Variants in LRMDA observed in about 807,000 individuals in gnomAD.
LRMDA encodes the protein leucine rich melanocyte differentiation associated.
Under a neutral mutation model 29.8 loss-of-function variants are expected in LRMDA, and 18 were observed. The ratio of observed to expected loss-of-function variants is 0.60; its 90% CI spans 0.42 to 0.90. The LOEUF (loss-of-function observed/expected upper bound fraction) is 0.90. Among genes scored for constraint, LRMDA ranks in the 40% least tolerant of loss-of-function variants. The pLI, the probability that LRMDA is intolerant of heterozygous loss-of-function variation, is 0.00. For missense variants in LRMDA, 273 were observed against 273.9 expected (o/e 1.00, Z 0.02); for synonymous variants, 125 against 109.4 (o/e 1.14, Z -0.89).
intron 3 of LRMDA, among the ~76,000 whole-genome samples, chr10:76,044,137 G>A (rs1848387719): frequency 6.6e-6 from 1 of 152,180 alleles, no homozygotes. Flanking sequence ...CTGGCCTTGA[G>A]GTTTTAAGAC....
At chr10:75,622,576 C>T (rs186768463) in intron 2 of LRMDA, among the ~76,000 whole-genome samples, 4 of 152,282 alleles carry the variant, frequency 2.6e-5, no homozygotes, top group Admixed American at 1.3e-4. Flanking sequence ...CTGCATTGAC[C>T]ACTGAAACTA....
intron 5 of LRMDA, among the ~76,000 whole-genome samples, chr10:76,316,156 T>C (rs2093513): frequency 0.65 from 98,159 of 152,076 alleles, 34,294 homozygotes; most frequent in Non-Finnish European, 0.81. Flanking sequence ...AGAAGAGCTG[T>C]GGCCCTTCAG....
chr10:75,786,709 A>G (rs1843477934), intron 2 of LRMDA, among the ~76,000 whole-genome samples: 1 of 152,202 alleles, frequency 6.6e-6, no homozygotes, highest in South Asian at 2.1e-4. Flanking sequence ...TCAAGGTTTG[A>G]ATATGCATCC....
chr10:75,885,789 A>T (rs1300634714), intron 2 of LRMDA, among the ~76,000 whole-genome samples: 1 of 152,250 alleles, frequency 6.6e-6, no homozygotes, highest in African/African-American at 2.4e-5. Flanking sequence ...TAGACATTGC[A>T]TAAGCATAAC....
rs531140776 is a variant in LRMDA, at chr10:75,543,820, G to A, written c.131+105326G>A. Among the ~76,000 whole-genome samples the A allele has an allele frequency of 2.0e-5, 3 of 152,070 alleles. No homozygotes were observed. In the East Asian group the frequency reaches 5.8e-4, roughly 29 times the overall value. ...CCCCTTACTCCTTTCTTCCTGGAAT[G>A]TAATTTTGTCTATGAAACATGACAG... On this transcript the variant is annotated intron_variant, in intron 2 of 6. Transcript: ENST00000611255.
intron 2 of LRMDA, among the ~76,000 whole-genome samples, chr10:75,778,478 A>G (rs1291114867): frequency 2.0e-5 from 3 of 152,088 alleles, no homozygotes; most frequent in Non-Finnish European, 4.4e-5. Context: ...GTGAACATCC[A>G]TGTTATTGGA....
At chr10:75,975,966 G>A (rs191341776) in intron 2 of LRMDA, among the ~76,000 whole-genome samples, 127 of 152,308 alleles carry the variant, frequency 8.3e-4, no homozygotes, top group African/African-American at 3.0e-3. Context: ...CTTCCAAACT[G>A]CTCTCTTCCT....
intron 5 of LRMDA, among the ~76,000 whole-genome samples, chr10:76,293,062 C>T (rs1421417397): frequency 6.6e-6 from 1 of 152,160 alleles, no homozygotes; most frequent in Non-Finnish European, 1.5e-5. Flanking sequence ...CAAGCTCCAC[C>T]TCCCGCCTCC....
intron 5 of LRMDA, among the ~76,000 whole-genome samples, chr10:76,252,262 C>T (rs752635197): frequency 2.0e-5 from 3 of 152,024 alleles, no homozygotes; most frequent in Non-Finnish European, 4.4e-5. Context: ...TAAAGCTGCC[C>T]TGTAATTCAC....
Position 75,889,500 on chromosome 10 carries a change from TGCAATGGATTATTATTTTTTTTC to T in LRMDA, c.132-146507_132-146485del, listed in dbSNP as rs556445554. Among the ~76,000 whole-genome samples, 15 of 152,326 alleles carry T rather than the reference TGCAATGGATTATTATTTTTTTTC, an allele frequency of 9.8e-5. No individual in the cohort carries two copies. In the South Asian group the frequency reaches 3.1e-3, roughly 32 times the overall value. ...AGGGGTATTGCACTGTCAGTAACAT[TGCAATGGATTATTATTTTTTTTC>T]CAGGATCAAACTTTGGTATTAAATC... On this transcript the variant is annotated intron_variant, in intron 2 of 6. Transcript: ENST00000611255.
At chr10:75,790,150 G>T (rs1843540465) in intron 2 of LRMDA, among the ~76,000 whole-genome samples, 1 of 152,092 alleles carries the variant, frequency 6.6e-6, no homozygotes. Flanking sequence ...TTTTTGGCTG[G>T]ATAATTCTGT....
intron 5 of LRMDA, among the ~76,000 whole-genome samples, chr10:76,103,626 T>C (rs1382010965): frequency 3.3e-5 from 5 of 152,216 alleles, no homozygotes; most frequent in African/African-American, 1.2e-4. Flanking sequence ...AATTCAAGCC[T>C]TTTTCCCAGA....
intron 5 of LRMDA, among the ~76,000 whole-genome samples, chr10:76,251,126 T>G (rs1852471392): frequency 6.7e-6 from 1 of 149,286 alleles, no homozygotes; most frequent in African/African-American, 2.5e-5. Context: ...TCCTAGAAAA[T>G]AACGCATTGC....
At chr10:75,904,476 CA>C (rs998352362) in intron 2 of LRMDA, among the ~76,000 whole-genome samples, 1 of 151,930 alleles carries the variant, frequency 6.6e-6, no homozygotes, top group African/African-American at 2.4e-5. Flanking sequence ...CCAGGGGCTC[CA>C]AAAAAATGAA....
intron 2 of LRMDA, among the ~76,000 whole-genome samples, chr10:75,859,578 A>C (rs960636518): frequency 2.7e-5 from 4 of 149,184 alleles, no homozygotes; most frequent in African/African-American, 9.9e-5. Context: ...GGTTTCTAGG[A>C]CATCTTTATA....
At chr10:76,415,107 C>A (rs1255215667) in intron 6 of LRMDA, among the ~76,000 whole-genome samples, 2 of 152,248 alleles carry the variant, frequency 1.3e-5, no homozygotes, top group Non-Finnish European at 1.5e-5. Context: ...GTGTCTCTGC[C>A]TTTGTGGTAA....
chr10:75,630,341 G>A (rs778853500), intron 2 of LRMDA, among the ~76,000 whole-genome samples: 2 of 152,230 alleles, frequency 1.3e-5, no homozygotes, highest in Non-Finnish European at 2.9e-5. Flanking sequence ...TGAAGGACTA[G>A]CATAGTTTCG....
intron 2 of LRMDA, among the ~76,000 whole-genome samples, chr10:75,684,211 A>G (rs1348397638): frequency 1.3e-5 from 2 of 152,220 alleles, no homozygotes; most frequent in Non-Finnish European, 2.9e-5. Flanking sequence ...AAATGGTAAA[A>G]TAGATTCACA....
At chr10:75,518,676 TAG>T (rs1845322989) in intron 2 of LRMDA, among the ~76,000 whole-genome samples, 2 of 152,132 alleles carry the variant, frequency 1.3e-5, no homozygotes, top group Admixed American at 6.5e-5. Flanking sequence ...GATTTTTTTG[TAG>T]AGTTTTTTGT....
Sources: allele counts gnomAD v4.1 joint callset (sites outside exome capture counted in the v4.1 genomes callset), GRCh38; gene constraint gnomAD v4.1.1; transcripts MANE v1.5; gene names NCBI Gene and HGNC (gene_info 2026-07-23, HGNC 2026-07-21).